The following CDH3 variants were observed in gnomAD, a reference collection of about 807,000 sequenced individuals.
The protein encoded by CDH3 is cadherin 3, also known as cadherin-3.
CDH3 carries 54 observed loss-of-function variants against 82.0 expected under a neutral mutation model. The ratio of observed to expected loss-of-function variants is 0.66; its 90% confidence interval spans 0.53 to 0.83. The LOEUF is 0.83. CDH3 is among the 40% of genes least tolerant of loss of function. CDH3 has a pLI of 0.00. For missense variants in CDH3, 1,054 were observed against 1,084.6 expected (o/e 0.97, Z 0.40); for synonymous variants, 446 against 437.9 (o/e 1.02, Z -0.23).
intron 2 of CDH3, among the ~76,000 whole-genome samples, chr16:68,646,682 A>C (rs1205753382): frequency 6.6e-6 from 1 of 152,030 alleles, no homozygotes; most frequent in Non-Finnish European, 1.5e-5. Context: ...CCTAGTTCTT[A>C]AACGGGTATA....
At chr16:68,655,906 T>C (rs1168526517) in intron 2 of CDH3, among the ~76,000 whole-genome samples, 1 of 151,916 alleles carries the variant, frequency 6.6e-6, no homozygotes, top group Non-Finnish European at 1.5e-5. Flanking sequence ...AAAGGAGTGA[T>C]ATAGAGTCAC....
intron 2 of CDH3, among the ~76,000 whole-genome samples, chr16:68,662,274 G>C (rs1007314952): frequency 6.6e-6 from 1 of 152,138 alleles, no homozygotes; most frequent in African/African-American, 2.4e-5. Flanking sequence ...GCTCAATGTG[G>C]CTAGAGAGAG....
intron 14 of CDH3, 72 bp downstream of exon 14, chr16:68,695,457 C>G: frequency 1.4e-6 from 2 of 1,475,968 alleles, no homozygotes; most frequent in Non-Finnish European, 1.8e-6. Context: ...TTGGGTCAAC[C>G]AACTGACCAA....
chr16:68,689,682 G>A (rs1335580497), intron 12 of CDH3, among the ~76,000 whole-genome samples: 1 of 152,154 alleles, frequency 6.6e-6, no homozygotes, highest in Non-Finnish European at 1.5e-5. Flanking sequence ...CCACATGGTC[G>A]ACTAGTTGTT....
chr16:68,707,155 G>C lies in CDH3; in HGVS notation c.99+11232G>C, dbSNP rs1961975363. ...TATGCAGTGTCCTGTCTACATAAAA[G>C]GAATGGCAAGGGCTAAGGGTTTAGC... On this transcript the variant is annotated intron_variant, in intron 1 of 2. Transcript: ENST00000569080. The surrounding 1 kb of genome is among the most constrained non-coding windows in gnomAD (Gnocchi z 4.5). 6.6e-6 allele frequency among the ~76,000 whole-genome samples: 1 copy of C among 152,182 alleles called. No individual in the cohort carries two copies. Among genetic ancestry groups the C allele is most frequent in the South Asian group, 2.1e-4 (1 of 4,830 alleles).
chr16:68,680,068 C>T (rs1248024371), intron 7 of CDH3, 94 bp downstream of exon 7: 2 of 1,261,698 alleles, frequency 1.6e-6, no homozygotes, highest in Admixed American at 1.7e-5. Context: ...GCCCACAAAG[C>T]CCAAGGCAGA....
At chr16:68,665,565 T>TAC (rs1221012273) in intron 2 of CDH3, among the ~76,000 whole-genome samples, 1 of 152,106 alleles carries the variant, frequency 6.6e-6, no homozygotes, top group African/African-American at 2.4e-5. Flanking sequence ...AGTTTAGAGA[T>TAC]TAAGTGATTG....
chr16:68,684,019 T>C (rs1961318938), intron 9 of CDH3, among the ~76,000 whole-genome samples: 3 of 146,188 alleles, frequency 2.1e-5, no homozygotes, highest in African/African-American at 7.6e-5. Context: ...GTGAGCTGAG[T>C]TCGCATCACT....
chr16:68,696,358 C>T (rs1961721708), intron 15 of CDH3: 1 of 316,638 alleles, frequency 3.2e-6, no homozygotes, highest in South Asian at 2.9e-5. Flanking sequence ...GCAGAGGTTG[C>T]AGTGAGCCGA....
intron 1 of CDH3, among the ~76,000 whole-genome samples, chr16:68,705,788 G>C (rs534856151): frequency 1.3e-5 from 2 of 151,456 alleles, no homozygotes; most frequent in South Asian, 2.1e-4. Context: ...CCAGTGAGCC[G>C]GGCGCGGTGG....
At chr16:68,660,019 T>C (rs1022837462) in intron 2 of CDH3, among the ~76,000 whole-genome samples, 2 of 152,220 alleles carry the variant, frequency 1.3e-5, no homozygotes, top group Non-Finnish European at 2.9e-5. Flanking sequence ...ATTTAGCCAG[T>C]CTTCTACTTT....
Position 68,676,376 on chromosome 16 carries a change from T to TC in CDH3, c.161-5dup, listed in dbSNP as rs751934830. 6.8e-6 allele frequency: 11 copies of TC among 1,606,070 alleles called. No individual in the cohort carries two copies. Among genetic ancestry groups the TC allele is most frequent in the Non-Finnish European group, 8.5e-7 (1 of 1,172,758 alleles). ...CCTTCCTAATGCTCTCTCTTCCCCTTCCCCACAGTATTCATGGGCTGCCCT... is the reference window on the plus strand; with the variant it reads ...CCTTCCTAATGCTCTCTCTTCCCCTTCCCCCACAGTATTCATGGGCTGCCCT... On this transcript the variant is annotated splice_polypyrimidine_tract_variant and intron_variant, in intron 2 of 15. Coordinates refer to ENST00000264012, the MANE Select transcript of CDH3 (RefSeq NM_001793.6).
intron 2 of CDH3, among the ~76,000 whole-genome samples, chr16:68,725,032 G>A (rs1962204546): frequency 1.3e-5 from 2 of 152,174 alleles, no homozygotes; most frequent in African/African-American, 2.4e-5. Context: ...TGGAAGCGGG[G>A]GACAGGAAGC....
At chr16:68,686,288 C>T (rs557418573) in intron 11 of CDH3, 21 of 691,538 alleles carry the variant, frequency 3.0e-5, no homozygotes, top group East Asian at 1.8e-4. Flanking sequence ...TGCACCCAGG[C>T]GGTCTTTTCA....
chr16:68,673,990 G>C (rs980810554), intron 2 of CDH3, among the ~76,000 whole-genome samples: 14 of 152,144 alleles, frequency 9.2e-5, no homozygotes, highest in Non-Finnish European at 1.9e-4. Context: ...TAACACTGCT[G>C]TAAAAATGAA....
downstream of CDH3, among the ~76,000 whole-genome samples, chr16:68,703,053 C>A (rs1961916360): frequency 6.6e-6 from 1 of 152,222 alleles, no homozygotes; most frequent in Non-Finnish European, 1.5e-5. Flanking sequence ...CTCCCTATGG[C>A]CCCTCCAGTG....
intron 5 of CDH3, 33 bp downstream of exon 5, chr16:68,678,689 C>G (rs767499381): frequency 1.2e-6 from 2 of 1,613,978 alleles, no homozygotes; most frequent in African/African-American, 1.3e-5. Context: ...TGTAAATGTC[C>G]CCTCAGAAGT....
chr16:68,674,518 A>G (rs1435924029), intron 2 of CDH3, among the ~76,000 whole-genome samples: 1 of 152,108 alleles, frequency 6.6e-6, no homozygotes. Context: ...GAAGTGCTTG[A>G]GCCCAGGAGT....
intron 5 of CDH3, 37 bp from the exon 6 acceptor site, chr16:68,678,725 T>A: frequency 6.2e-7 from 1 of 1,614,044 alleles, no homozygotes; most frequent in East Asian, 2.2e-5. Context: ...GTGAGGTGGG[T>A]GGCACCGGGC....
Sources: allele counts gnomAD v4.1 joint callset (sites outside exome capture counted in the v4.1 genomes callset), GRCh38; gene constraint gnomAD v4.1.1; non-coding constraint Gnocchi (gnomAD v3.1); transcripts MANE v1.5; gene names NCBI Gene and HGNC (gene_info 2026-07-23, HGNC 2026-07-21).